CLASP2: variants seen among roughly 807,000 people sequenced by gnomAD.
CLASP2 encodes CLIP-associating protein 2.
CLASP2 carries 47 observed loss-of-function variants against 194.4 expected under a neutral mutation model. That is an observed-to-expected ratio of 0.24 (90% CI 0.19 to 0.31). CLASP2 has a LOEUF of 0.31. Ranked by LOEUF, CLASP2 falls within the 10% of genes least tolerant of loss-of-function variation. The pLI is 1.00. For synonymous variants in CLASP2, 619 were observed against 633.5 expected (o/e 0.98, Z 0.34); for missense variants, 1,445 against 1,823.6 (o/e 0.79, Z 3.78).
chr3:33,510,630 T>C lies in CLASP2; in HGVS notation c.4245A>G (p.Thr1415=). Residue 1415 remains threonine, a synonymous_variant, in exon 37 of 39, where the codon ACA becomes ACG. Transcript: ENST00000682230. ...CCTTGGACACTCTCTCTATCACTTT[T>C]GTTTGCATTTTGATTGCAGCCAGAT... ...PINLAAIKMQ[T]KVIERVSKET... 1.2e-6 allele frequency: 2 copies of C among 1,613,918 alleles called. No individual in the cohort carries two copies. Among genetic ancestry groups the C allele is most frequent in the Non-Finnish European group, 1.7e-6 (2 of 1,179,868 alleles).
intron 32 of CLASP2, among the ~76,000 whole-genome samples, chr3:33,539,321 T>C (rs2057923893): frequency 6.6e-6 from 1 of 152,026 alleles, no homozygotes; most frequent in South Asian, 2.1e-4. Context: ...TAAATGTCAG[T>C]GTCCATAAAT....
intron 27 of CLASP2, among the ~76,000 whole-genome samples, chr3:33,564,581 C>A (rs979080449): frequency 6.6e-6 from 1 of 152,158 alleles, no homozygotes; most frequent in African/African-American, 2.4e-5. Flanking sequence ...AGAAATTGTA[C>A]TATTTTAAAA....
chr3:33,682,337 G>C (rs2089986088), intron 6 of CLASP2, among the ~76,000 whole-genome samples: 1 of 152,104 alleles, frequency 6.6e-6, no homozygotes, highest in South Asian at 2.1e-4. Context: ...ATATTTACAA[G>C]TGAAATGTTA....
chr3:33,534,778 A>C (rs761056107), intron 34 of CLASP2, among the ~76,000 whole-genome samples: 8 of 152,168 alleles, frequency 5.3e-5, no homozygotes, highest in Non-Finnish European at 8.8e-5. Flanking sequence ...CATTTCACCC[A>C]AATTCAAATC....
intron 8 of CLASP2, among the ~76,000 whole-genome samples, chr3:33,637,629 G>C (rs887409171): frequency 1.3e-5 from 2 of 152,144 alleles, no homozygotes; most frequent in African/African-American, 4.8e-5. Flanking sequence ...ACATTTCCCA[G>C]AGACTTCAAA....
At chr3:33,591,970 T>C (rs756092463) in intron 21 of CLASP2, among the ~76,000 whole-genome samples, 22 of 152,228 alleles carry the variant, frequency 1.4e-4, no homozygotes, top group Non-Finnish European at 2.5e-4. Flanking sequence ...AATTATTTCG[T>C]CTCTAAAAAG....
intron 6 of CLASP2, 106 bp downstream of exon 6, chr3:33,684,253 T>A (rs7640037): frequency 0.03 from 16,201 of 544,644 alleles, 259 homozygotes; most frequent in Admixed American, 0.07. Flanking sequence ...CTCAAAAAAA[T>A]AAATAAATAA....
chr3:33,516,282 A>G, intron 35 of CLASP2, 131 bp from the exon 36 acceptor site: 1 of 627,464 alleles, frequency 1.6e-6, no homozygotes, highest in Non-Finnish European at 2.4e-6. Flanking sequence ...TATGCGGTAT[A>G]CTATGTAATT....
At chr3:33,540,020 C>T (rs1330565708) in intron 32 of CLASP2, among the ~76,000 whole-genome samples, 3 of 150,954 alleles carry the variant, frequency 2.0e-5, no homozygotes, top group Admixed American at 6.6e-5. Flanking sequence ...CAGGCTCAAG[C>T]GATTCTCCAG....
chr3:33,559,369 C>A lies in CLASP2; in HGVS notation c.2947G>T (p.Asp983Tyr). The change falls in exon 29 of 39, where the codon GAT (aspartate) becomes TAT (tyrosine). Residue 983 changes from aspartate (D) to tyrosine (Y), a missense_variant. Physicochemically the swap from Asp to Tyr is radical, Grantham distance 160. This residue lies in a region of CLASP2 where 732 missense variants were observed against 987.9 expected (regional missense o/e 0.74). Transcript: ENST00000682230. ...LDVTRESFPNDLQFNILMRFT... is the reference protein window; with the variant it reads ...LDVTRESFPNYLQFNILMRFT... Reference sequence around the variant, plus strand: ...CTCATTAGAATATTGAACTGAAGATCATTTGGAAAAGACTCTCTGAAACAA... The same window carrying A: ...CTCATTAGAATATTGAACTGAAGATAATTTGGAAAAGACTCTCTGAAACAA... 1 of 1,591,770 alleles carries A rather than the reference C, an allele frequency of 6.3e-7. No individual in the cohort carries two copies. The highest frequency in any genetic ancestry group is 8.6e-7 in the Non-Finnish European group (1 of 1,166,730).
intron 33 of CLASP2, 39 bp from the exon 34 acceptor site, chr3:33,535,500 T>G (rs2057158291): frequency 1.4e-6 from 2 of 1,457,368 alleles, no homozygotes; most frequent in Non-Finnish European, 1.9e-6. Flanking sequence ...AATTAACTCA[T>G]TTTTCAAGTA....
intron 30 of CLASP2, 151 bp from the exon 31 acceptor site, chr3:33,544,992 C>A: frequency 8.0e-6 from 4 of 502,172 alleles, no homozygotes; most frequent in Non-Finnish European, 9.5e-6. Context: ...AACTGTTTTG[C>A]TGGAAGGATA....
intron 37 of CLASP2, among the ~76,000 whole-genome samples, chr3:33,506,377 CGAAAAAAAAAAAAA>C (rs779817766): frequency 0.081 from 5,003 of 61,918 alleles, 606 homozygotes; most frequent in African/African-American, 0.27. Context: ...GACTCTGTCT[CGAAAAAAAAAAAAA>C]AAAAAAAAAA....
intron 1 of CLASP2, among the ~76,000 whole-genome samples, chr3:33,704,647 G>T (rs546738443): frequency 6.6e-6 from 1 of 152,184 alleles, no homozygotes; most frequent in South Asian, 2.1e-4. Context: ...CAGCTACTTG[G>T]GAGGCTGAGG....
chr3:33,589,265 C>A (rs1016918748), intron 21 of CLASP2, among the ~76,000 whole-genome samples: 21 of 152,150 alleles, frequency 1.4e-4, no homozygotes, highest in African/African-American at 4.6e-4. Flanking sequence ...AAAAGAGACA[C>A]AATTTTGTCA....
chr3:33,713,012 C>CAGAAAAAAAAAA (rs1559717375), intron 1 of CLASP2, among the ~76,000 whole-genome samples: 14 of 47,008 alleles, frequency 3.0e-4, no homozygotes, highest in Non-Finnish European at 5.5e-4. Context: ...AACTCCACCT[C>CAGAAAAAAAAAA]AAAAAAAAAA....
At chr3:33,561,784 T>C (rs933283782) in intron 27 of CLASP2, among the ~76,000 whole-genome samples, 1 of 152,158 alleles carries the variant, frequency 6.6e-6, no homozygotes, top group East Asian at 1.9e-4. Flanking sequence ...GCTGTATCTC[T>C]TTATAAGATA....
chr3:33,602,865 G>A (rs781418243), intron 18 of CLASP2, 87 bp downstream of exon 18: 51 of 1,252,094 alleles, frequency 4.1e-5, no homozygotes, highest in Admixed American at 2.0e-5. Flanking sequence ...TAACAAGAAT[G>A]AATAGAAATG....
chr3:33,706,075 A>C (rs928208037), intron 1 of CLASP2, among the ~76,000 whole-genome samples: 148 of 152,224 alleles, frequency 9.7e-4, no homozygotes, highest in African/African-American at 3.5e-3. Context: ...CAACATGGCA[A>C]GACCCCATCT....
Sources: allele counts gnomAD v4.1 joint callset (sites outside exome capture counted in the v4.1 genomes callset), GRCh38; gene constraint gnomAD v4.1.1; regional missense constraint gnomAD v4.1.1; transcripts MANE v1.5; gene names NCBI Gene and HGNC (gene_info 2026-07-23, HGNC 2026-07-21).